The following JAKMIP3 variants were observed in gnomAD, a reference collection of about 807,000 sequenced individuals.
JAKMIP3 encodes janus kinase and microtubule-interacting protein 3.
JAKMIP3 carries 58 observed loss-of-function variants against 118.5 expected under a neutral mutation model. That is an observed-to-expected ratio of 0.49 (90% CI 0.40 to 0.61). The LOEUF (loss-of-function observed/expected upper bound fraction) is 0.61, where lower values mean the gene tolerates loss of function less well. Ranked by LOEUF, JAKMIP3 falls within the 20% of genes least tolerant of loss-of-function variation. The pLI is 0.00. For missense variants in JAKMIP3, 950 were observed against 1,109.0 expected (o/e 0.86, Z 2.04); for synonymous variants, 486 against 451.2 (o/e 1.08, Z -0.98).
chr10:132,164,861 G>A, intron 21 of JAKMIP3, 126 bp downstream of exon 21: 1 of 681,642 alleles, frequency 1.5e-6, no homozygotes, highest in Non-Finnish European at 2.6e-6. Context: ...ACAGCAGCGG[G>A]AAGCGGCCGC....
intron 14 of JAKMIP3, among the ~76,000 whole-genome samples, chr10:132,149,161 C>T (rs971591765): frequency 2.6e-5 from 4 of 152,112 alleles, no homozygotes; most frequent in African/African-American, 7.2e-5. Flanking sequence ...GCCCAGGCCA[C>T]GTGGCCAGAG....
intron 1 of JAKMIP3, among the ~76,000 whole-genome samples, chr10:132,099,858 C>T (rs1189542326): frequency 2.1e-5 from 3 of 144,124 alleles, no homozygotes; most frequent in African/African-American, 7.6e-5. Context: ...CCACGCTGTC[C>T]GTCTGCAGCT....
chr10:132,143,573 C>T (rs2054011707), intron 11 of JAKMIP3: 1 of 152,194 alleles, frequency 6.6e-6, no homozygotes, highest in Non-Finnish European at 1.5e-5. Context: ...CATTTAGAAT[C>T]AGAGGAAAAT....
rs2060470903 is a variant in JAKMIP3, at chr10:132,179,268, T to G, written c.*1104-3089T>G. On this transcript the variant is annotated intron_variant, in intron 23 of 23. Coordinates refer to ENST00000684848, the MANE Select transcript of JAKMIP3 (RefSeq NM_001323087.2). This position sits in a 1 kb window ranked among gnomAD's most constrained non-coding sequence, Gnocchi z 4.3. The stretch of plus-strand genomic sequence containing the variant: ...CCTCAGTGCTCATCCTCCCCCAGCA[T>G]CATGCACGGTCACGGGGCTGTATTT... 6.6e-6 allele frequency among the ~76,000 whole-genome samples: 1 copy of G among 152,172 alleles called. No individual in the cohort carries two copies. Among genetic ancestry groups the G allele is most frequent in the East Asian group, 1.9e-4 (1 of 5,194 alleles).
chr10:132,135,100 T>A lies in JAKMIP3; in HGVS notation c.909T>A (p.Ser303Arg). Residue 303 changes from serine (S) to arginine (R), a missense_variant, in exon 5 of 24, where the codon AGT becomes AGA. Transcript: ENST00000684848. ...TCCAGCTTAAAATCGCGGAGTTAAG[T>A]GCGATTATCCGCAAACTGGAGGACC... ...RRFQLKIAEL[S>R]AIIRKLEDRN... The A allele has an allele frequency of 2.5e-6, 4 of 1,613,418 alleles. No individual in the cohort carries two copies. Among genetic ancestry groups the A allele is most frequent in the Non-Finnish European group, 3.4e-6 (4 of 1,179,480 alleles).
At chr10:132,154,774 G>C (rs970455797) in intron 19 of JAKMIP3, among the ~76,000 whole-genome samples, 1 of 151,914 alleles carries the variant, frequency 6.6e-6, no homozygotes, top group Non-Finnish European at 1.5e-5. Flanking sequence ...GAGTGATAGT[G>C]ATGATAATGG....
At chr10:132,132,547 T>TTGTAGGGAGGG (rs1216805162) in intron 3 of JAKMIP3, among the ~76,000 whole-genome samples, 1 of 151,980 alleles carries the variant, frequency 6.6e-6, no homozygotes, top group Admixed American at 6.6e-5. Flanking sequence ...AAGCGCCACG[T>TTGTAGGGAGGG]TGTAGGGAGG....
chr10:132,061,957 A>G (rs2038410246), upstream of JAKMIP3, among the ~76,000 whole-genome samples: 1 of 152,194 alleles, frequency 6.6e-6, no homozygotes, highest in Non-Finnish European at 1.5e-5. Context: ...GACAAAGACT[A>G]GCCGAGGCTT....
chr10:132,171,819 T>A (rs982618442), intron 23 of JAKMIP3, among the ~76,000 whole-genome samples: 5 of 152,050 alleles, frequency 3.3e-5, no homozygotes, highest in Non-Finnish European at 5.9e-5. Context: ...CACACTCAGC[T>A]AATTTTTGTA....
At position 132,118,445 on chromosome 10, in the gene JAKMIP3, G is replaced by A. The variant is rs545620865; in HGVS notation, c.633+871G>A. On this transcript the variant is annotated intron_variant, in intron 3 of 23. Transcript: ENST00000684848. The surrounding 1 kb of genome is among the most constrained non-coding windows in gnomAD (Gnocchi z 4.8). ...GTGCCTCTTCAGGACCCGGAGCCCC[G>A]GGCACCTTGGGTGGGATGCAGTGGT... 1.6e-3 allele frequency among the ~76,000 whole-genome samples: 249 copies of A among 152,306 alleles called. No homozygotes were observed. Among genetic ancestry groups the A allele is most frequent in the African/African-American group, 5.5e-3 (228 of 41,568 alleles).
chr10:132,180,678 CGCGCGTGTGT>C (rs1245874500), intron 23 of JAKMIP3, among the ~76,000 whole-genome samples: 1 of 9,556 alleles, frequency 1.0e-4, no homozygotes, highest in African/African-American at 6.3e-4. Flanking sequence ...TGTGTGTGCG[CGCGCGTGTGT>C]GTGCGTGCGT....
intron 1 of JAKMIP3, among the ~76,000 whole-genome samples, chr10:132,040,074 C>T (rs1028899116): frequency 3.9e-5 from 6 of 152,172 alleles, no homozygotes; most frequent in South Asian, 2.1e-4. Flanking sequence ...ATTGTGTCCC[C>T]CAAGTTCACA....
rs1211592532 is a variant in JAKMIP3, at chr10:132,180,558, CGTGTGTGTGCGT to C, written c.*1104-1785_*1104-1774del. ...GTGTGTGTGTGTGCGTGCGTGCATG[CGTGTGTGTGCGT>C]GTGTGTGTGCGTGCGCGTGTGTGTG... On this transcript the variant is annotated intron_variant, in intron 23 of 23. Transcript: ENST00000684848. Among the ~76,000 whole-genome samples the C allele has an allele frequency of 3.2e-4, 8 of 24,998 alleles. 3 individuals carry two copies. Among genetic ancestry groups the C allele is most frequent in the Non-Finnish European group, 3.8e-4 (6 of 15,668 alleles). The allele number at this position is 24,998 out of a possible 152,430, so 16.4% of individuals were successfully genotyped here.
chr10:132,065,191 G>GCTTGGAAACC (rs2038619219), upstream of JAKMIP3, among the ~76,000 whole-genome samples: 1 of 152,064 alleles, frequency 6.6e-6, no homozygotes. This position sits in a 1 kb window ranked among gnomAD's most constrained non-coding sequence, Gnocchi z 5.6. Context: ...GCGGCCTCCT[G>GCTTGGAAACC]CTTGGAAACC....
Position 132,037,313 on chromosome 10 carries a change from C to T in JAKMIP3, c.-138+575C>T, listed in dbSNP as rs373772921. Among the ~76,000 whole-genome samples, 23 of 152,278 alleles carry T rather than the reference C, an allele frequency of 1.5e-4. No homozygotes were observed. In the East Asian group the frequency reaches 4.1e-3, roughly 27 times the overall value. On this transcript the variant is annotated intron_variant, in intron 1 of 23. Transcript: ENST00000657785. ...CCGCTGGGAGTTGGAGCGGCTCCCT[C>T]CTGCCCCCGTCTGAGGTCTGGCTGG...
chr10:132,166,730 T>C (rs2814171), intron 21 of JAKMIP3, among the ~76,000 whole-genome samples: 122,480 of 152,094 alleles, frequency 0.81, 49,549 homozygotes, highest in East Asian at 0.96. Flanking sequence ...GTGGGGCCCC[T>C]GACCAGCGCC....
At chr10:132,105,182 T>G (rs1414920068) in intron 2 of JAKMIP3, among the ~76,000 whole-genome samples, 3 of 152,172 alleles carry the variant, frequency 2.0e-5, no homozygotes, top group African/African-American at 7.2e-5. Context: ...TCACAGAAAT[T>G]ATCCTCTGCT....
intron 6 of JAKMIP3, among the ~76,000 whole-genome samples, chr10:132,136,358 G>T (rs2051769581): frequency 6.6e-6 from 1 of 152,212 alleles, no homozygotes; most frequent in Non-Finnish European, 1.5e-5. Context: ...GCCTGGAACA[G>T]GTGGCCTCCA....
chr10:132,161,845 G>GGAATGACTGGT, intron 19 of JAKMIP3, among the ~76,000 whole-genome samples: 1 of 81,640 alleles, frequency 1.2e-5, no homozygotes, highest in Non-Finnish European at 2.6e-5. Flanking sequence ...AAGCTAGGGG[G>GGAATGACTGGT]TCTTTTCTTG....
Sources: allele counts gnomAD v4.1 joint callset (sites outside exome capture counted in the v4.1 genomes callset), GRCh38; gene constraint gnomAD v4.1.1; non-coding constraint Gnocchi (gnomAD v3.1); transcripts MANE v1.5; gene names NCBI Gene and HGNC (gene_info 2026-07-23, HGNC 2026-07-21).